The following RPS6KA5 variants were observed in gnomAD, a reference collection of about 807,000 sequenced individuals.
The protein encoded by RPS6KA5 is ribosomal protein S6 kinase alpha-5.
In RPS6KA5, 27 loss-of-function variants were observed where a neutral mutation model predicts 85.5. That is an observed-to-expected ratio of 0.32 (90% CI 0.23 to 0.44). The LOEUF (loss-of-function observed/expected upper bound fraction) is 0.44. RPS6KA5 is among the 20% of genes least tolerant of loss of function. RPS6KA5 has a pLI of 1.00. For synonymous variants in RPS6KA5, 334 were observed against 348.2 expected (o/e 0.96, Z 0.46); for missense variants, 811 against 980.9 (o/e 0.83, Z 2.31).
chr14:91,018,917 T>C (rs1433846736), intron 1 of RPS6KA5, among the ~76,000 whole-genome samples: 2 of 151,986 alleles, frequency 1.3e-5, no homozygotes, highest in Non-Finnish European at 2.9e-5. Flanking sequence ...ACATCTACCC[T>C]CTCTTTTCCT....
chr14:91,028,087 A>G (rs960039724), intron 1 of RPS6KA5, among the ~76,000 whole-genome samples: 11 of 152,230 alleles, frequency 7.2e-5, no homozygotes, highest in African/African-American at 2.7e-4. Flanking sequence ...AATAAATGTA[A>G]TATTTTATTT....
rs1450041819 is a variant in RPS6KA5, at chr14:90,923,132, C to T, written c.683G>A (p.Gly228Glu). Reference sequence around the variant, plus strand: ...ACATACCTTGTCATGTCCTGAATCTCCCCCTCTGACAATATCTGGTGCCAT... The same window carrying T: ...ACATACCTTGTCATGTCCTGAATCTTCCCCTCTGACAATATCTGGTGCCAT... ...EYMAPDIVRG[G>E]DSGHDKAVDW... is the part of the protein sequence containing the mutation. Residue 228 changes from glycine to glutamate, a missense_variant, in exon 6 of 17, where the codon GGA becomes GAA. Coordinates refer to ENST00000614987, the MANE Select transcript of RPS6KA5 (RefSeq NM_004755.4). 1 of 1,611,250 alleles carries T rather than the reference C, an allele frequency of 6.2e-7. No homozygotes were observed. Among genetic ancestry groups the T allele is most frequent in the Non-Finnish European group, 8.5e-7 (1 of 1,177,880 alleles).
intron 14 of RPS6KA5, among the ~76,000 whole-genome samples, chr14:90,889,783 A>G (rs2034451991): frequency 6.6e-6 from 1 of 152,182 alleles, no homozygotes; most frequent in African/African-American, 2.4e-5. Context: ...CTACATATCT[A>G]AAGGGGAGGA....
chr14:90,899,302 G>GGA, intron 12 of RPS6KA5, 27 bp downstream of exon 12: 8 of 1,280,692 alleles, frequency 6.2e-6, no homozygotes, highest in Admixed American at 2.2e-5. Flanking sequence ...GTACACATGG[G>GGA]AAAAAAAAAA....
At chr14:91,018,669 G>C (rs1443212193) in intron 1 of RPS6KA5, among the ~76,000 whole-genome samples, 1 of 152,122 alleles carries the variant, frequency 6.6e-6, no homozygotes, top group East Asian at 1.9e-4. Flanking sequence ...CCAGTGGTTT[G>C]CCGGGGGCTC....
At position 90,980,578 on chromosome 14, in the gene RPS6KA5, G is replaced by A. The variant is rs191120908; in HGVS notation, c.176-2054C>T. On this transcript the variant is annotated intron_variant, in intron 2 of 16. Coordinates refer to ENST00000614987, the MANE Select transcript of RPS6KA5 (RefSeq NM_004755.4). ...TCGATTCTTACAACATTCCTATAAG[G>A]AGGTGAGAACTATTATCTCCATTTT... 1.1e-4 allele frequency among the ~76,000 whole-genome samples: 16 copies of A among 152,266 alleles called. No homozygotes were observed. The East Asian group carries it at 2.9e-3, about 28-fold the overall frequency.
rs71117389 is a variant in RPS6KA5 at position 90,925,941 on chromosome 14, C to CA, written c.619-2746dup. ...TCGGTGATAGAGTGAGACCCTGACT[C>CA]AAAAAAAAAAAAAAAAAAAAAGAAA... On this transcript the variant is annotated intron_variant, in intron 5 of 16. Transcript: ENST00000614987. Among the ~76,000 whole-genome samples, 652 of 73,456 alleles carry CA rather than the reference C, an allele frequency of 8.9e-3. 8 individuals are homozygous for CA. The highest frequency in any genetic ancestry group is 0.025 in the African/African-American group (443 of 17,946). The allele number at this position is 73,456 out of a possible 152,430, so 48.2% of individuals were successfully genotyped here. A position where few individuals can be genotyped will look rare whatever the true frequency, so the allele number is the denominator to read the frequency against.
chr14:90,914,666 G>A (rs1042943560), intron 7 of RPS6KA5, among the ~76,000 whole-genome samples: 4 of 152,144 alleles, frequency 2.6e-5, no homozygotes, highest in Non-Finnish European at 5.9e-5. Context: ...GCTAGGGAGT[G>A]CCTCAGAGCA....
At chr14:90,909,788 A>AATT (rs925926716) in intron 7 of RPS6KA5, among the ~76,000 whole-genome samples, 2 of 152,074 alleles carry the variant, frequency 1.3e-5, no homozygotes, top group African/African-American at 4.8e-5. Flanking sequence ...TAAAAACTTG[A>AATT]ATTATTATTA....
chr14:90,969,606 C>T (rs1225809281), intron 3 of RPS6KA5, among the ~76,000 whole-genome samples: 2 of 152,178 alleles, frequency 1.3e-5, no homozygotes, highest in Non-Finnish European at 2.9e-5. Flanking sequence ...GAGGGGAAGT[C>T]GTAGAGTTAA....
At position 91,020,977 on chromosome 14, in the gene RPS6KA5, TACA is replaced by T. The variant is rs773913542; in HGVS notation, c.104-19821_104-19819del. 4.6e-3 allele frequency among the ~76,000 whole-genome samples: 696 copies of T among 152,248 alleles called. 14 individuals carry two copies. The highest frequency in any genetic ancestry group is 1.8e-3 in the Non-Finnish European group (121 of 68,010). On this transcript the variant is annotated intron_variant, in intron 1 of 16. Transcript: ENST00000614987. ...TTTGCAGGTATCCAAACCCGAAGCA[TACA>T]ACATCAGTCTGTCCCTCATTAATGA...
intron 15 of RPS6KA5, 119 bp from the exon 16 acceptor site, chr14:90,873,914 C>G: frequency 1.4e-6 from 1 of 735,558 alleles, no homozygotes; most frequent in Non-Finnish European, 2.1e-6. Context: ...TAGCTTTAAC[C>G]TCCTACAAAG....
At chr14:91,035,253 C>A (rs79151174) in intron 1 of RPS6KA5, among the ~76,000 whole-genome samples, 1 of 151,736 alleles carries the variant, frequency 6.6e-6, no homozygotes, top group Non-Finnish European at 1.5e-5. Flanking sequence ...TGCATATGAA[C>A]CACGCTGTAC....
chr14:90,903,949 A>AT (rs11453206), intron 8 of RPS6KA5, among the ~76,000 whole-genome samples: 94,271 of 146,092 alleles, frequency 0.65, 30,654 homozygotes, highest in East Asian at 0.73. Context: ...ACTACCATAA[A>AT]TTTTTTTTTT....
intron 5 of RPS6KA5, among the ~76,000 whole-genome samples, chr14:90,936,755 TA>T (rs771748588): frequency 6.6e-6 from 1 of 152,112 alleles, no homozygotes; most frequent in Non-Finnish European, 1.5e-5. Flanking sequence ...ATAAGTATAA[TA>T]TCATGAGCAG....
At chr14:91,054,473 T>C (rs1321186883) in intron 1 of RPS6KA5, among the ~76,000 whole-genome samples, 3 of 151,446 alleles carry the variant, frequency 2.0e-5, no homozygotes, top group Non-Finnish European at 2.9e-5. Flanking sequence ...CTCGTCTCTA[T>C]TGAAAATACA....
chr14:91,039,468 G>C (rs562017276), intron 1 of RPS6KA5, among the ~76,000 whole-genome samples: 1 of 152,138 alleles, frequency 6.6e-6, no homozygotes, highest in Non-Finnish European at 1.5e-5. Flanking sequence ...CATATGGAAT[G>C]CCCCTCAGAA....
chr14:91,060,563 A>G lies in RPS6KA5; in HGVS notation c.-129T>C, dbSNP rs559960280. On this transcript the variant is annotated 5_prime_UTR_variant, in exon 1 of 17. Transcript: ENST00000614987. ...GCGGCGGCTCCAGAACTCGGACGCA[A>G]AGACGAGTCTCTTTCCCGCTCTGGC... 1.8e-5 allele frequency: 21 copies of G among 1,144,706 alleles called. No homozygotes were observed. In the African/African-American group the frequency reaches 3.1e-4, roughly 17 times the overall value. The allele number at this position is 1,144,706 out of a possible 1,614,324, so 70.9% of individuals were successfully genotyped here. A position where few individuals can be genotyped will look rare whatever the true frequency, so the allele number is the denominator to read the frequency against.
chr14:90,901,223 G>A (rs2035150955), intron 9 of RPS6KA5, among the ~76,000 whole-genome samples: 1 of 151,998 alleles, frequency 6.6e-6, no homozygotes, highest in Non-Finnish European at 1.5e-5. Flanking sequence ...TCCTGCCTCA[G>A]CCTCCCAAGT....
Sources: allele counts gnomAD v4.1 joint callset (sites outside exome capture counted in the v4.1 genomes callset), GRCh38; gene constraint gnomAD v4.1.1; transcripts MANE v1.5; gene names NCBI Gene and HGNC (gene_info 2026-07-23, HGNC 2026-07-21).